C1QTNF7: variants seen among roughly 807,000 people sequenced by gnomAD.
C1QTNF7 encodes C1q and TNF related 7.
C1QTNF7 carries 15 observed loss-of-function variants against 19.6 expected under a neutral mutation model. That is an observed-to-expected ratio of 0.76 (90% CI 0.51 to 1.18). The LOEUF (loss-of-function observed/expected upper bound fraction) is 1.18. C1QTNF7 is among the 50% of genes most tolerant of loss of function. The pLI is 0.00. For missense variants in C1QTNF7, 324 were observed against 359.7 expected (o/e 0.90, Z 0.80); for synonymous variants, 142 against 137.5 (o/e 1.03, Z -0.23).
At chr4:15,389,650 C>T (rs1718481566) in intron 1 of C1QTNF7, among the ~76,000 whole-genome samples, 1 of 152,082 alleles carries the variant, frequency 6.6e-6, no homozygotes, top group Admixed American at 6.6e-5. Context: ...AACTCCTGAC[C>T]TCACGTGATC....
At chr4:15,392,541 A>G (rs1577253478) in intron 1 of C1QTNF7, among the ~76,000 whole-genome samples, 1 of 152,306 alleles carries the variant, frequency 6.6e-6, no homozygotes, top group African/African-American at 2.4e-5. Flanking sequence ...GCACATTCAC[A>G]TCTGCCTGGG....
At chr4:15,397,029 T>G (rs1198260252) in intron 1 of C1QTNF7, among the ~76,000 whole-genome samples, 1 of 136,990 alleles carries the variant, frequency 7.3e-6, no homozygotes, top group African/African-American at 2.7e-5. Flanking sequence ...AAGTCCCGTC[T>G]TACATGGATG....
At chr4:15,433,283 A>G (rs780935492) in intron 1 of C1QTNF7, among the ~76,000 whole-genome samples, 5 of 151,536 alleles carry the variant, frequency 3.3e-5, no homozygotes, top group Non-Finnish European at 5.9e-5. Context: ...CTCCCAATAC[A>G]CTGGGATTAC....
rs947187299 is a variant in C1QTNF7, at chr4:15,339,949, G to T, written c.-246G>T. 6 of 592,436 alleles carry T rather than the reference G, an allele frequency of 1.0e-5. No individual in the cohort carries two copies. The East Asian group carries it at 1.7e-4, about 17-fold the overall frequency. 36.7% of individuals were successfully genotyped at this position (592,436 alleles called of 1,614,324 possible). A position where few individuals can be genotyped will look rare whatever the true frequency, so the allele number is the denominator to read the frequency against. On this transcript the variant is annotated 5_prime_UTR_variant, in exon 1 of 3. Transcript: ENST00000295297. Reference sequence around the variant, plus strand: ...TGGCAAGTCCCTGGGAGAAGGAGTGGGAGGTTGTTTAAACTGAGAAAGACA... The same window carrying T: ...TGGCAAGTCCCTGGGAGAAGGAGTGTGAGGTTGTTTAAACTGAGAAAGACA...
At chr4:15,423,752 C>T (rs1464167241), upstream of C1QTNF7, among the ~76,000 whole-genome samples, 1 of 152,218 alleles carries the variant, frequency 6.6e-6, no homozygotes, top group Non-Finnish European at 1.5e-5. Context: ...CACCTCAGGG[C>T]CTTTGCATAT....
chr4:15,381,421 CAA>C (rs11308911), intron 1 of C1QTNF7, among the ~76,000 whole-genome samples: 12 of 126,634 alleles, frequency 9.5e-5, no homozygotes, highest in African/African-American at 1.9e-4. Context: ...GACTCCATCT[CAA>C]AAAAAAAAAA....
intron 1 of C1QTNF7, among the ~76,000 whole-genome samples, chr4:15,392,824 A>G (rs374491890): frequency 4.6e-5 from 7 of 152,352 alleles, no homozygotes; most frequent in African/African-American, 1.7e-4. Context: ...ATGAAAATGT[A>G]CAGGTGAGAG....
chr4:15,417,883 C>G (rs1403469854), intron 1 of C1QTNF7, among the ~76,000 whole-genome samples: 1 of 151,982 alleles, frequency 6.6e-6, no homozygotes, highest in Admixed American at 6.6e-5. Context: ...GGAAGAGGTG[C>G]CACATACTTT....
intron 1 of C1QTNF7, among the ~76,000 whole-genome samples, chr4:15,409,210 C>G (rs1405590846): frequency 2.0e-5 from 3 of 152,170 alleles, no homozygotes; most frequent in Non-Finnish European, 2.9e-5. Context: ...AGGCTGCATG[C>G]AGCTGAAATA....
chr4:15,440,393 G>A (rs1031507826), intron 2 of C1QTNF7, among the ~76,000 whole-genome samples: 8 of 146,880 alleles, frequency 5.4e-5, no homozygotes, highest in Non-Finnish European at 1.0e-4. Context: ...TCCTAGCATT[G>A]GTACAGAAGC....
intron 1 of C1QTNF7, among the ~76,000 whole-genome samples, chr4:15,403,199 G>T (rs1209046223): frequency 6.6e-6 from 1 of 152,080 alleles, no homozygotes; most frequent in Non-Finnish European, 1.5e-5. Context: ...CCCAGGCAGC[G>T]CAGCCCTTCC....
chr4:15,360,797 G>C lies in C1QTNF7; in HGVS notation c.13+20590G>C, dbSNP rs192731587. Among the ~76,000 whole-genome samples, 147 of 152,306 alleles carry C rather than the reference G, an allele frequency of 9.7e-4. No homozygotes were observed. The Middle Eastern group carries it at 0.014, about 14-fold the overall frequency. On this transcript the variant is annotated intron_variant, in intron 1 of 2. Coordinates refer to the C1QTNF7 transcript ENST00000295297. ...GGGGCTTGCAAATAAATTTTAGCAA[G>C]TAGATGAATTTGCAATTATAGAACC... is the stretch of plus-strand genomic sequence containing the variant.
intron 1 of C1QTNF7, among the ~76,000 whole-genome samples, chr4:15,360,315 C>T (rs1318748206): frequency 6.6e-6 from 1 of 152,148 alleles, no homozygotes; most frequent in Admixed American, 6.5e-5. Flanking sequence ...TGAACCATTG[C>T]TCCTAGGGAA....
Position 15,342,391 on chromosome 4 carries a change from C to A in C1QTNF7, c.13+2184C>A, listed in dbSNP as rs1396011119. ...ATGGCTGATGGGCTAGAAAAAGAGACCATGGTAATTCAATAAACCTTAACC... is the reference window on the plus strand; with the variant it reads ...ATGGCTGATGGGCTAGAAAAAGAGAACATGGTAATTCAATAAACCTTAACC... On this transcript the variant is annotated intron_variant, in intron 1 of 2. Transcript: ENST00000295297. 2.6e-5 allele frequency among the ~76,000 whole-genome samples: 4 copies of A among 152,274 alleles called. No individual in the cohort carries two copies. The East Asian group carries it at 5.8e-4, about 22-fold the overall frequency.
intron 1 of C1QTNF7, among the ~76,000 whole-genome samples, chr4:15,432,208 T>C (rs1258156279): frequency 6.6e-6 from 1 of 152,158 alleles, no homozygotes; most frequent in Non-Finnish European, 1.5e-5. Context: ...TTGTAGACCA[T>C]CGCACCATGT....
chr4:15,384,646 C>T (rs1423414759), intron 1 of C1QTNF7, among the ~76,000 whole-genome samples: 1 of 152,158 alleles, frequency 6.6e-6, no homozygotes, highest in Non-Finnish European at 1.5e-5. Flanking sequence ...CAAGACATGA[C>T]AAATGAAAGG....
At chr4:15,386,924 A>G (rs1318068665) in intron 1 of C1QTNF7, among the ~76,000 whole-genome samples, 1 of 152,084 alleles carries the variant, frequency 6.6e-6, no homozygotes, top group Non-Finnish European at 1.5e-5. Flanking sequence ...GTAAGAAGGG[A>G]AGCCATTAGA....
At chr4:15,398,988 G>T (rs1167561636) in intron 1 of C1QTNF7, among the ~76,000 whole-genome samples, 1 of 152,106 alleles carries the variant, frequency 6.6e-6, no homozygotes, top group Non-Finnish European at 1.5e-5. Context: ...GTTAGTGGTT[G>T]GGAGGTGAGC....
intron 1 of C1QTNF7, among the ~76,000 whole-genome samples, chr4:15,413,725 T>C (rs957522518): frequency 1.3e-5 from 2 of 152,206 alleles, no homozygotes; most frequent in African/African-American, 2.4e-5. Context: ...TACAATAGCA[T>C]TCAAAAATGC....
Sources: allele counts gnomAD v4.1 joint callset (sites outside exome capture counted in the v4.1 genomes callset), GRCh38; gene constraint gnomAD v4.1.1; transcripts MANE v1.5; gene names NCBI Gene and HGNC (gene_info 2026-07-23, HGNC 2026-07-21).